Variants in BAZ2B observed in about 807,000 individuals in gnomAD.
BAZ2B encodes the protein bromodomain adjacent to zinc finger domain protein 2B.
Under a neutral mutation model 246.0 loss-of-function variants are expected in BAZ2B, and 91 were observed. The observed-to-expected ratio is 0.37, with a 90% confidence interval of 0.31 to 0.44. BAZ2B has a LOEUF of 0.44. BAZ2B is among the 20% of genes least tolerant of loss of function. The probability of loss-of-function intolerance (pLI) is 1.00; values close to 1 mark genes in which losing one functional copy is unlikely to be tolerated. For synonymous variants in BAZ2B, 855 were observed against 860.0 expected (o/e 0.99, Z 0.10); for missense variants, 2,332 against 2,533.7 (o/e 0.92, Z 1.71).
At chr2:159,702,585 A>G in the BAZ2B span, among the ~76,000 whole-genome samples, 4 of 152,210 alleles carry the variant, frequency 2.6e-5, no homozygotes, top group Admixed American at 2.6e-4. Flanking sequence ...TCTGGAAAGC[A>G]TTTGGTTATT....
At chr2:159,598,590 C>CTT (rs781037738) in intron 1 of BAZ2B, among the ~76,000 whole-genome samples, 165 of 151,890 alleles carry the variant, frequency 1.1e-3, no homozygotes, top group Middle Eastern at 6.8e-3. Flanking sequence ...TGGCTCACAC[C>CTT]TGTAATCCCA....
At chr2:159,477,886 A>C (rs1346338884) in intron 3 of BAZ2B, among the ~76,000 whole-genome samples, 1 of 152,162 alleles carries the variant, frequency 6.6e-6, no homozygotes, top group Non-Finnish European at 1.5e-5. Context: ...GCAATGGCGC[A>C]ATCTTGGTTC....
chr2:159,433,070 G>T lies in BAZ2B; in HGVS notation c.1587C>A (p.Thr529=), dbSNP rs762993072. Residue 529 remains threonine, a synonymous_variant, in exon 9 of 37, where the codon ACC becomes ACA. Coordinates refer to ENST00000392783, the MANE Select transcript of BAZ2B (RefSeq NM_013450.4). ...TCAGATTTACAGGTGAGGAAAAAGG[G>T]GTGCTACTTGCAGCAGCAATGTTTT... The part of the protein sequence containing the change: ...INENIAAASS[T]PFSSPVNLST... The T allele has an allele frequency of 5.6e-6, 9 of 1,614,038 alleles. No homozygotes were observed. Among genetic ancestry groups the T allele is most frequent in the Non-Finnish European group, 6.8e-6 (8 of 1,180,026 alleles).
chr2:159,497,509 G>A (rs1383548893), intron 2 of BAZ2B, among the ~76,000 whole-genome samples: 1 of 152,152 alleles, frequency 6.6e-6, no homozygotes, highest in Admixed American at 6.5e-5. Context: ...GTCTGAAACA[G>A]ATATAACCCA....
At chr2:159,575,163 G>A (rs1685007177) in intron 1 of BAZ2B, among the ~76,000 whole-genome samples, 1 of 152,070 alleles carries the variant, frequency 6.6e-6, no homozygotes, top group Non-Finnish European at 1.5e-5. Flanking sequence ...TAGGATAGTG[G>A]GTAATGGGAG....
intron 13 of BAZ2B, among the ~76,000 whole-genome samples, chr2:159,417,060 C>T (rs1469799814): frequency 1.3e-5 from 2 of 151,684 alleles, no homozygotes; most frequent in African/African-American, 2.4e-5. Context: ...ATTTCTAAGA[C>T]TTAAAATAGT....
chr2:159,474,879 T>C (rs7578689), intron 3 of BAZ2B, among the ~76,000 whole-genome samples: 42,857 of 152,080 alleles, frequency 0.28, 6,194 homozygotes, highest in South Asian at 0.35. Context: ...TGTTGAATAT[T>C]GGCCCCCACT....
intron 33 of BAZ2B, among the ~76,000 whole-genome samples, chr2:159,334,015 C>T (rs764858138): frequency 7.9e-5 from 12 of 151,948 alleles, no homozygotes; most frequent in Non-Finnish European, 1.3e-4. Flanking sequence ...TGAGTTACAT[C>T]GTTAAAACTT....
At chr2:159,659,454 A>G in the BAZ2B span, among the ~76,000 whole-genome samples, 1 of 152,202 alleles carries the variant, frequency 6.6e-6, no homozygotes. Flanking sequence ...GAGAGCCCCT[A>G]TACAGATCTC....
In BAZ2B at chr2:159,557,863, T is replaced by A. The variant is rs571227256; in HGVS notation, c.-45-1998A>T. Among the ~76,000 whole-genome samples the A allele has an allele frequency of 3.9e-5, 6 of 152,126 alleles. No homozygotes were observed. In the East Asian group the frequency reaches 1.2e-3, roughly 29 times the overall value. ...AATTACTATCTATTTAAAGAAAATATGCCATAACAACTTGGTATACGTTTT... is the reference window on the plus strand; with the variant it reads ...AATTACTATCTATTTAAAGAAAATAAGCCATAACAACTTGGTATACGTTTT... On this transcript the variant is annotated intron_variant, in intron 1 of 36. Transcript: ENST00000392783.
At chr2:159,704,152 G>A in the BAZ2B span, among the ~76,000 whole-genome samples, 3 of 151,936 alleles carry the variant, frequency 2.0e-5, no homozygotes, top group Non-Finnish European at 4.4e-5. Flanking sequence ...ATGGACTCTG[G>A]GATAAAAAAT....
At chr2:159,711,210 T>C in the BAZ2B span, among the ~76,000 whole-genome samples, 1 of 152,332 alleles carries the variant, frequency 6.6e-6, no homozygotes, top group Non-Finnish European at 1.5e-5. Context: ...TCGAACAGGC[T>C]GGAAAAGAAT....
the BAZ2B span, among the ~76,000 whole-genome samples, chr2:159,651,688 G>C: frequency 1.3e-5 from 2 of 151,852 alleles, no homozygotes; most frequent in African/African-American, 4.8e-5. Flanking sequence ...ACCCACAAAA[G>C]TTACCCCACA....
At chr2:159,415,274 G>A (rs182977430) in intron 13 of BAZ2B, among the ~76,000 whole-genome samples, 75 of 151,776 alleles carry the variant, frequency 4.9e-4, no homozygotes, top group African/African-American at 1.7e-3. Flanking sequence ...GTGAAACCCC[G>A]TCTCTACTAA....
intron 23 of BAZ2B, 66 bp from the exon 24 acceptor site, chr2:159,383,746 T>C (rs2062283894): frequency 1.5e-6 from 2 of 1,345,550 alleles, no homozygotes; most frequent in Non-Finnish European, 2.1e-6. Context: ...TAATTTGATA[T>C]GCAATAAACT....
intron 19 of BAZ2B, 163 bp downstream of exon 19, chr2:159,397,182 C>T (rs1360292168): frequency 7.4e-7 from 1 of 1,359,290 alleles, no homozygotes; most frequent in East Asian, 2.6e-5. Context: ...CAAAAAGACA[C>T]CAATACCAAA....
the BAZ2B span, among the ~76,000 whole-genome samples, chr2:159,646,899 A>G: frequency 6.6e-6 from 1 of 152,080 alleles, no homozygotes; most frequent in Non-Finnish European, 1.5e-5. Context: ...TAACATACAT[A>G]TTTCTACCAT....
chr2:159,671,518 A>G, the BAZ2B span, among the ~76,000 whole-genome samples: 1 of 152,200 alleles, frequency 6.6e-6, no homozygotes, highest in Non-Finnish European at 1.5e-5. Context: ...AAATAAAAGA[A>G]CATATCAGGT....
intron 2 of BAZ2B, among the ~76,000 whole-genome samples, chr2:159,530,701 T>G (rs902925087): frequency 2.0e-5 from 3 of 152,170 alleles, no homozygotes; most frequent in African/African-American, 7.2e-5. Context: ...CCGAGTGCAG[T>G]GGCTCACACC....
Sources: allele counts gnomAD v4.1 joint callset (sites outside exome capture counted in the v4.1 genomes callset), GRCh38; gene constraint gnomAD v4.1.1; transcripts MANE v1.5; gene names NCBI Gene and HGNC (gene_info 2026-07-23, HGNC 2026-07-21).